The following RAB9B variants were observed in gnomAD, a reference collection of about 807,000 sequenced individuals.
RAB9B encodes RAB9B, member RAS oncogene family.
Under a neutral mutation model 8.9 loss-of-function variants are expected in RAB9B, and 1 was observed. The ratio of observed to expected loss-of-function variants is 0.11; its 90% CI spans 0.04 to 0.53. RAB9B has a LOEUF of 0.53. Among genes scored for constraint, RAB9B ranks in the 20% least tolerant of loss-of-function variants. The pLI is 0.93. For missense variants in RAB9B, 82 were observed against 152.9 expected, an observed-to-expected ratio of 0.54 and a Z score of 2.45; for synonymous variants, 63 against 57.0, an observed-to-expected ratio of 1.10 and a Z score of -0.47.
chrX:103,820,489 A>C (rs1485137609), downstream of RAB9B, among the ~76,000 whole-genome samples: 2 of 111,928 alleles, frequency 1.8e-5, no homozygotes, highest in Non-Finnish European at 3.8e-5. Context: ...AAGATGGAAG[A>C]CAAATTATGT....
rs2074673858 is a variant in RAB9B, at chrX:103,824,120, T to C, written c.*1059A>G. On this transcript the variant is annotated 3_prime_UTR_variant, in exon 3 of 3. Transcript: ENST00000243298. ...AACTCTGTTTATGGGAAATTCATTC[T>C]AACACTGGGTTAAGATCTGCTCTTC... 1.8e-5 allele frequency: 2 copies of C among 112,526 alleles called. No individual in the cohort carries two copies. 9.3% of individuals were successfully genotyped at this position (112,526 alleles called of 1,213,427 possible). A position where few individuals can be genotyped will look rare whatever the true frequency, so the allele number is the denominator to read the frequency against.
the RAB9B span, among the ~76,000 whole-genome samples, chrX:103,782,405 A>G: frequency 8.9e-6 from 1 of 111,950 alleles, no homozygotes; most frequent in Admixed American, 9.5e-5. Flanking sequence ...TAGAGGAAAA[A>G]TGGATGTAAA....
downstream of RAB9B, among the ~76,000 whole-genome samples, chrX:103,821,337 A>C (rs1184095755): frequency 3.3e-5 from 3 of 91,401 alleles, no homozygotes; most frequent in African/African-American, 1.3e-4. Context: ...TCAGAGATGG[A>C]AATGGTACAT....
At chrX:103,814,134 A>G in the RAB9B span, among the ~76,000 whole-genome samples, 1,311 of 111,773 alleles carry the variant, frequency 0.012, 25 homozygotes, top group African/African-American at 0.041. Context: ...CAGAATATAC[A>G]TTCTTCTCAG....
Position 103,825,110 on chromosome X carries a change from G to C in RAB9B, c.*69C>G. On this transcript the variant is annotated 3_prime_UTR_variant, in exon 3 of 3. Coordinates refer to ENST00000243298, the MANE Select transcript of RAB9B (RefSeq NM_016370.4). Reference sequence around the variant, plus strand: ...TTGTGTGCGTGTGTGTGCACTCTTAGAGGGGCACAGTTATTCTTACACTAC... The same window carrying C: ...TTGTGTGCGTGTGTGTGCACTCTTACAGGGGCACAGTTATTCTTACACTAC... The C allele has an allele frequency of 1.8e-6, 2 of 1,098,302 alleles. No homozygotes were observed. Among genetic ancestry groups the C allele is most frequent in the Non-Finnish European group, 2.5e-6 (2 of 814,843 alleles). The allele number at this position is 1,098,302 out of a possible 1,213,427, so 90.5% of individuals were successfully genotyped here.
At chrX:103,799,021 A>T in the RAB9B span, among the ~76,000 whole-genome samples, 1 of 107,550 alleles carries the variant, frequency 9.3e-6, no homozygotes, top group Non-Finnish European at 1.9e-5. Flanking sequence ...TGTTACTTTA[A>T]ATATATATAT....
chrX:103,784,278 G>A, the RAB9B span, among the ~76,000 whole-genome samples: 1 of 111,552 alleles, frequency 9.0e-6, no homozygotes, highest in African/African-American at 3.3e-5. Flanking sequence ...CCCAGGCCCT[G>A]GTGTGTTCCT....
At chrX:103,778,756 A>G in the RAB9B span, among the ~76,000 whole-genome samples, 5 of 111,776 alleles carry the variant, frequency 4.5e-5, no homozygotes, top group African/African-American at 9.8e-5. Flanking sequence ...CATTTATTCA[A>G]TAACAGAGTA....
chrX:103,821,586 A>G (rs2074661013), downstream of RAB9B, among the ~76,000 whole-genome samples: 1 of 111,928 alleles, frequency 8.9e-6, no homozygotes, highest in Non-Finnish European at 1.9e-5. Flanking sequence ...CCAATATGTG[A>G]GAGGCAAGAG....
At chrX:103,816,435 A>G in the RAB9B span, among the ~76,000 whole-genome samples, 1 of 111,992 alleles carries the variant, frequency 8.9e-6, no homozygotes, top group South Asian at 3.7e-4. Context: ...TTAATTCAAG[A>G]TGGATTAAAG....
At chrX:103,816,819 A>G in the RAB9B span, among the ~76,000 whole-genome samples, 13,602 of 112,242 alleles carry the variant, frequency 0.12, 630 homozygotes, top group Middle Eastern at 0.29. Context: ...CAGCCAACAT[A>G]CATATAAAAA....
chrX:103,825,605 G>A lies in RAB9B; in HGVS notation c.180C>T (p.Ile60=), dbSNP rs763611484. 73 of 1,209,032 alleles carry A rather than the reference G, an allele frequency of 6.0e-5. No individual in the cohort carries two copies. The highest frequency in any genetic ancestry group is 8.2e-5 in the Non-Finnish European group (73 of 894,372). The change falls in exon 3 of 3, where the codon ATC becomes ATT. Residue 60 remains isoleucine, a synonymous_variant. Transcript: ENST00000243298. The part of the protein sequence containing the change: ...EVDGRFVTLQ[I]WDTAGQERFK... ...AACGTTCCTGCCCTGCAGTGTCCCA[G>A]ATCTGGAGGGTTACAAAGCGTCCAT... is the stretch of plus-strand genomic sequence containing the variant.
Position 103,825,443 on chromosome X carries a change from A to G in RAB9B, c.342T>C (p.Pro114=), listed in dbSNP as rs966856938. 1 of 1,211,847 alleles carries G rather than the reference A, an allele frequency of 8.3e-7. No individual in the cohort carries two copies. Among genetic ancestry groups the G allele is most frequent in the Non-Finnish European group, 1.1e-6 (1 of 895,526 alleles). The change falls in exon 3 of 3, where the codon CCT becomes CCC. Residue 114 remains proline, a synonymous_variant. Transcript: ENST00000243298. ...EFIYYADVKD[P]EHFPFVVLGN... is the part of the protein sequence containing the mutation. ...CCAGAACTACAAAGGGGAAATGCTC[A>G]GGGTCCTTCACATCCGCATAGTAAA...
chrX:103,790,471 G>A, the RAB9B span: 3 of 838,163 alleles, frequency 3.6e-6, no homozygotes, highest in Non-Finnish European at 5.4e-6. Flanking sequence ...AGGGATTTGA[G>A]GAGGGAGTGC....
chrX:103,825,640 G>A lies in RAB9B; in HGVS notation c.145C>T (p.Leu49=), dbSNP rs770371462. 3 of 1,208,861 alleles carry A rather than the reference G, an allele frequency of 2.5e-6. No individual in the cohort carries two copies. The highest frequency in any genetic ancestry group is 3.4e-6 in the Non-Finnish European group (3 of 894,545). ...GTTACAAAGCGTCCATCTACCTCCA[G>A]ATCTCGATTTAAGAACTCTACCCCT... ...TIGVEFLNRD[L]EVDGRFVTLQ... is the part of the protein sequence containing the mutation. Residue 49 remains leucine (L), a synonymous_variant, in exon 3 of 3, where the codon CTG becomes TTG. Transcript: ENST00000243298.
At chrX:103,785,611 G>A in the RAB9B span, 42 of 1,210,788 alleles carry the variant, frequency 3.5e-5, no homozygotes, top group Non-Finnish European at 4.7e-5. Context: ...AAGATGTCTG[G>A]TAGGGGCCCC....
the RAB9B span, among the ~76,000 whole-genome samples, chrX:103,812,263 A>G: frequency 9.0e-6 from 1 of 111,637 alleles, no homozygotes; most frequent in African/African-American, 3.3e-5. Flanking sequence ...ATACCATCAC[A>G]TGGAAGATTA....
chrX:103,819,786 TGAG>T (rs1179661019), downstream of RAB9B, among the ~76,000 whole-genome samples: 1 of 112,009 alleles, frequency 8.9e-6, no homozygotes, highest in Non-Finnish European at 1.9e-5. Flanking sequence ...GATGGAAACT[TGAG>T]GAAATTAAAA....
At chrX:103,791,309 C>T in the RAB9B span, 25 of 104,941 alleles carry the variant, frequency 2.4e-4, no homozygotes, top group African/African-American at 8.1e-4. Context: ...CCTTACACCT[C>T]GTTAGGGAAG....
Sources: gnomAD v4.1 joint callset for allele counts (sites outside exome capture counted in the v4.1 genomes callset) on GRCh38, gnomAD v4.1.1 for gene constraint, MANE v1.5 for transcripts, NCBI Gene and HGNC (gene_info 2026-07-23, HGNC 2026-07-21) for gene names.